GPC6: variants seen among roughly 807,000 people sequenced by gnomAD.
GPC6 encodes glypican 6.
A neutral mutation model predicts 55.2 loss-of-function variants in GPC6; 14 were observed. The observed-to-expected ratio is 0.25, with a 90% CI of 0.17 to 0.40. GPC6 has a LOEUF of 0.40. Ranked by LOEUF, GPC6 falls within the 10% of genes least tolerant of loss-of-function variation. The pLI is 1.00. For missense variants in GPC6, 641 were observed against 708.5 expected (o/e 0.90, Z 1.08); for synonymous variants, 278 against 259.6 (o/e 1.07, Z -0.68).
chr13:93,461,712 T>C (rs1878699699), intron 1 of GPC6, among the ~76,000 whole-genome samples: 1 of 152,166 alleles, frequency 6.6e-6, no homozygotes, highest in African/African-American at 2.4e-5. Flanking sequence ...TCACACTTGT[T>C]AAAATCTAGA....
At chr13:93,315,881 A>G (rs1470532576) in intron 1 of GPC6, among the ~76,000 whole-genome samples, 1 of 151,996 alleles carries the variant, frequency 6.6e-6, no homozygotes, top group Non-Finnish European at 1.5e-5. Context: ...GACATATATG[A>G]GCAAGATATT....
At chr13:93,246,374 G>A (rs1876601634) in intron 1 of GPC6, among the ~76,000 whole-genome samples, 1 of 151,228 alleles carries the variant, frequency 6.6e-6, no homozygotes, top group Admixed American at 6.6e-5. Context: ...GATTAGCAGG[G>A]GCCAGTGCTT....
At chr13:93,524,026 G>T (rs547615972) in intron 1 of GPC6, among the ~76,000 whole-genome samples, 57 of 152,130 alleles carry the variant, frequency 3.7e-4, no homozygotes, top group African/African-American at 1.4e-3. Flanking sequence ...AGGGGGGAAA[G>T]TCATGTATAC....
intron 3 of GPC6, among the ~76,000 whole-genome samples, chr13:93,872,791 G>T (rs1009252995): frequency 6.6e-6 from 1 of 151,798 alleles, no homozygotes; most frequent in Non-Finnish European, 1.5e-5. Context: ...GAAATATGGG[G>T]GTCTGTTATT....
At chr13:93,623,094 T>A (rs1241048464) in intron 2 of GPC6, among the ~76,000 whole-genome samples, 1 of 152,196 alleles carries the variant, frequency 6.6e-6, no homozygotes, top group Non-Finnish European at 1.5e-5. Flanking sequence ...AGGACTTCAT[T>A]CTTTCTTATG....
chr13:93,546,377 G>A (rs1250597910), intron 2 of GPC6, among the ~76,000 whole-genome samples: 3 of 152,156 alleles, frequency 2.0e-5, no homozygotes, highest in South Asian at 2.1e-4. Context: ...TAGGTAAAAT[G>A]TTCCATTTTA....
At position 93,543,581 on chromosome 13, in the gene GPC6, A is replaced by G. The variant is rs527983109; in HGVS notation, c.161-1682A>G. ...ATTCCCTCTTTTTCTATTGATTGGA[A>G]TAGTTTCAGAAGGAATGGTACCAGT... is the stretch of plus-strand genomic sequence containing the variant. On this transcript the variant is annotated intron_variant, in intron 1 of 8. Transcript: ENST00000377047. Among the ~76,000 whole-genome samples the G allele has an allele frequency of 4.6e-5, 7 of 152,258 alleles. No homozygotes were observed. In the South Asian group the frequency reaches 1.5e-3, roughly 32 times the overall value.
intron 3 of GPC6, among the ~76,000 whole-genome samples, chr13:93,902,624 AC>A (rs879323178): frequency 3.9e-5 from 6 of 152,104 alleles, no homozygotes; most frequent in Non-Finnish European, 5.9e-5. Context: ...TTTTGAGGAA[AC>A]GTCATCCTGT....
chr13:93,288,609 C>T lies in GPC6; in HGVS notation c.160+60993C>T, dbSNP rs1353615424. On this transcript the variant is annotated intron_variant, in intron 1 of 8. Coordinates refer to ENST00000377047, the MANE Select transcript of GPC6 (RefSeq NM_005708.5). ...TCTCCAATTTTTTAAAAAGGCACTT[C>T]ATAAAACATAAAAAGGCTGTCAGTA... 2.0e-5 allele frequency among the ~76,000 whole-genome samples: 3 copies of T among 152,134 alleles called. No homozygotes were observed. In the East Asian group the frequency reaches 5.8e-4, roughly 29 times the overall value.
At chr13:93,970,838 A>G (rs1880252939) in intron 3 of GPC6, among the ~76,000 whole-genome samples, 1 of 152,204 alleles carries the variant, frequency 6.6e-6, no homozygotes, top group East Asian at 1.9e-4. Context: ...GATGTGCAGA[A>G]GCTTAAGTTT....
At chr13:93,699,656 T>C (rs1040816781) in intron 2 of GPC6, among the ~76,000 whole-genome samples, 4 of 152,142 alleles carry the variant, frequency 2.6e-5, no homozygotes, top group Admixed American at 2.0e-4. Context: ...TTTTACTGAA[T>C]ATAATTTACA....
At chr13:93,634,100 C>T (rs891455666) in intron 2 of GPC6, among the ~76,000 whole-genome samples, 8 of 152,084 alleles carry the variant, frequency 5.3e-5, no homozygotes, top group South Asian at 2.1e-4. Flanking sequence ...CAATCCCATT[C>T]GAAGAGGATA....
chr13:93,596,460 T>C (rs1254573541), intron 2 of GPC6, among the ~76,000 whole-genome samples: 1 of 151,836 alleles, frequency 6.6e-6, no homozygotes, highest in Non-Finnish European at 1.5e-5. Flanking sequence ...GGAGATACAC[T>C]CTCCGACTAT....
intron 4 of GPC6, among the ~76,000 whole-genome samples, chr13:94,174,775 T>C (rs1034425869): frequency 6.6e-6 from 1 of 152,078 alleles, no homozygotes; most frequent in Non-Finnish European, 1.5e-5. Flanking sequence ...AAACAGCAGG[T>C]TTTTACCTTT....
At chr13:93,475,881 C>A (rs1318812112) in intron 1 of GPC6, among the ~76,000 whole-genome samples, 2 of 151,892 alleles carry the variant, frequency 1.3e-5, no homozygotes, top group African/African-American at 4.8e-5. Context: ...TTTGAACAAG[C>A]ATTTCTGTTG....
intron 4 of GPC6, among the ~76,000 whole-genome samples, chr13:94,096,318 G>C (rs1049613724): frequency 6.8e-6 from 1 of 146,222 alleles, no homozygotes; most frequent in Non-Finnish European, 1.5e-5. Context: ...GTTTCAGGAC[G>C]CTTTTTTTTT....
intron 3 of GPC6, among the ~76,000 whole-genome samples, chr13:93,991,728 G>T (rs563388423): frequency 5.3e-5 from 8 of 152,258 alleles, no homozygotes; most frequent in African/African-American, 1.7e-4. Flanking sequence ...GAAGGGAAGG[G>T]TGATTACTGA....
At position 93,865,176 on chromosome 13, in the gene GPC6, T is replaced by C. The variant is rs554561011; in HGVS notation, c.711+34631T>C. ...CCCTTAGACTAGGCAGTAAATGTAC[T>C]GCCCCCAAATCCTCCTCCTCTCCAG... On this transcript the variant is annotated intron_variant, in intron 3 of 8. Coordinates refer to ENST00000377047, the MANE Select transcript of GPC6 (RefSeq NM_005708.5). 1.2e-4 allele frequency among the ~76,000 whole-genome samples: 18 copies of C among 151,768 alleles called. No individual in the cohort carries two copies. The East Asian group carries it at 2.6e-3, about 22-fold the overall frequency.
chr13:93,800,870 T>C (rs1454267430), intron 2 of GPC6, among the ~76,000 whole-genome samples: 1 of 152,204 alleles, frequency 6.6e-6, no homozygotes, highest in Admixed American at 6.5e-5. Context: ...GGAACATTTC[T>C]CCTATTCATG....
Sources: allele counts gnomAD v4.1 joint callset (sites outside exome capture counted in the v4.1 genomes callset), GRCh38; gene constraint gnomAD v4.1.1; transcripts MANE v1.5; gene names NCBI Gene and HGNC (gene_info 2026-07-23, HGNC 2026-07-21).